Variants in BTD observed in about 807,000 individuals in gnomAD.
BTD encodes the protein biotinidase.
A neutral mutation model predicts 17.7 loss-of-function variants in BTD; 13 were observed. The ratio of observed to expected loss-of-function variants is 0.74; its 90% CI spans 0.48 to 1.17. The LOEUF is 1.17. Among genes scored for constraint, BTD ranks in the 50% most tolerant of loss-of-function variants. The pLI, the probability that BTD is intolerant of heterozygous loss-of-function variation, is 0.00. For synonymous variants in BTD, 240 were observed against 245.2 expected (o/e 0.98, Z 0.20); for missense variants, 674 against 650.4 (o/e 1.04, Z -0.39).
At chr3:15,696,084 T>G (rs1312576366) in intron 3 of BTD, 4 of 1,237,168 alleles carry the variant, frequency 3.2e-6, no homozygotes, top group Non-Finnish European at 4.6e-6. Flanking sequence ...TGTTACATTA[T>G]TAGACTATAA....
Position 15,692,014 on chromosome 3 carries a change from CCTG to C in BTD, c.400-18045_400-18043del, listed in dbSNP as rs199814738. On this transcript the variant is annotated intron_variant, in intron 3 of 3. Transcript: ENST00000672141. ...AATAAGCTGGACCTGGTGGCACATG[CCTG>C]TGGTCCCAGCTATGCAGGAGGCTGA... Among the ~76,000 whole-genome samples, 1,122 of 152,094 alleles carry C rather than the reference CCTG, an allele frequency of 7.4e-3. 10 individuals are homozygous for C. The highest frequency in any genetic ancestry group is 0.025 in the African/African-American group (1,024 of 41,486).
Position 15,648,894 on chromosome 3 carries a change from C to T in BTD, c.*3406C>T, listed in dbSNP as rs964432988. 3.9e-5 allele frequency among the ~76,000 whole-genome samples: 6 copies of T among 152,144 alleles called. No homozygotes were observed. Among genetic ancestry groups the T allele is most frequent in the Admixed American group, 3.9e-4 (6 of 15,278 alleles). On this transcript the variant is annotated 3_prime_UTR_variant, in exon 4 of 4. Coordinates refer to ENST00000643237, the MANE Select transcript of BTD (RefSeq NM_001370658.1). The stretch of plus-strand genomic sequence containing the variant: ...ACAGGGGCAGAGATCACAGGGATGC[C>T]TCTACTAGACAAGGCACACCAGAAA...
chr3:15,672,154 T>C (rs2066433548), intron 3 of BTD, among the ~76,000 whole-genome samples: 1 of 151,870 alleles, frequency 6.6e-6, no homozygotes, highest in Non-Finnish European at 1.5e-5. Flanking sequence ...GGATTTTTTT[T>C]TTTTTTTTTG....
chr3:15,675,749 C>T, intron 3 of BTD: 1 of 570,890 alleles, frequency 1.8e-6, no homozygotes, highest in Non-Finnish European at 2.9e-6. Context: ...ATTTCTTTTG[C>T]CCTTATTCCT....
At chr3:15,633,198 C>T (rs1310563504) in intron 1 of BTD, among the ~76,000 whole-genome samples, 1 of 152,046 alleles carries the variant, frequency 6.6e-6, no homozygotes, top group South Asian at 2.1e-4. Flanking sequence ...TTTTATTGGG[C>T]TCCCTCCTCC....
Position 15,637,922 on chromosome 3 carries a change from C to G in BTD, c.249+2234C>G, listed in dbSNP as rs1315192174. ...CGCCAGCTGCACAGCATCACTCCGT[C>G]TCTATTTGTTTTCCAGGGGCCAGGA... is the stretch of plus-strand genomic sequence containing the variant. On this transcript the variant is annotated intron_variant, in intron 2 of 3. Transcript: ENST00000643237. 2.0e-5 allele frequency among the ~76,000 whole-genome samples: 3 copies of G among 152,210 alleles called. No homozygotes were observed. In the East Asian group the frequency reaches 5.8e-4, roughly 29 times the overall value.
At chr3:15,685,460 T>A (rs771952181) in intron 3 of BTD, 5 of 1,612,300 alleles carry the variant, frequency 3.1e-6, no homozygotes, top group Middle Eastern at 3.3e-4. Context: ...AAGAAAATAA[T>A]TTAAAGGTAG....
chr3:15,657,405 ACT>A (rs1301600692), downstream of BTD, among the ~76,000 whole-genome samples: 2 of 152,062 alleles, frequency 1.3e-5, no homozygotes, highest in Admixed American at 6.5e-5. Context: ...CTTTCCAATA[ACT>A]CTGTAAGATA....
chr3:15,623,152 A>G (rs1305325888), intron 1 of BTD, among the ~76,000 whole-genome samples: 2 of 152,208 alleles, frequency 1.3e-5, no homozygotes, highest in African/African-American at 4.8e-5. Flanking sequence ...CCCATGATTC[A>G]ATTATCTCCA....
intron 3 of BTD, chr3:15,667,700 G>A (rs2066054147): frequency 6.6e-6 from 1 of 151,714 alleles, no homozygotes; most frequent in South Asian, 2.1e-4. Flanking sequence ...CAAAGGAAGT[G>A]GTTAAGCTGG....
intron 3 of BTD, chr3:15,697,237 A>T (rs2069735616): frequency 6.5e-6 from 1 of 152,776 alleles, no homozygotes; most frequent in Non-Finnish European, 1.5e-5. Flanking sequence ...AGCTATGAGG[A>T]GACGCGAAGG....
rs1004314408 is a variant in BTD at position 15,650,218 on chromosome 3, G to T, written c.*4730G>T. Among the ~76,000 whole-genome samples, 5 of 152,118 alleles carry T rather than the reference G, an allele frequency of 3.3e-5. No individual in the cohort carries two copies. The highest frequency in any genetic ancestry group is 7.3e-5 in the Non-Finnish European group (5 of 68,030). Reference sequence around the variant, plus strand: ...AATGTTTAGAATGTTTCTCAGACAGGCTGAGAAAAAACACAACGAAACATT... The same window carrying T: ...AATGTTTAGAATGTTTCTCAGACAGTCTGAGAAAAAACACAACGAAACATT... On this transcript the variant is annotated 3_prime_UTR_variant, in exon 4 of 4. Transcript: ENST00000643237.
chr3:15,639,108 C>G (rs1022731253), intron 2 of BTD, among the ~76,000 whole-genome samples: 3 of 152,062 alleles, frequency 2.0e-5, no homozygotes, highest in African/African-American at 7.2e-5. Context: ...TTCTTGATCT[C>G]ATTGAGATCT....
chr3:15,617,304 T>C (rs1397053586), intron 1 of BTD, among the ~76,000 whole-genome samples: 2 of 152,276 alleles, frequency 1.3e-5, no homozygotes, highest in East Asian at 3.8e-4. Context: ...TCAAAAGTTT[T>C]ACATTTAGTG....
Position 15,644,643 on chromosome 3 carries a change from G to T in BTD, c.727G>T (p.Val243Leu), listed in dbSNP as rs769423080. The change falls in exon 4 of 4, where the codon GTG becomes TTG. Residue 243 changes from valine (V) to leucine (L), a missense_variant. Coordinates refer to ENST00000643237, the MANE Select transcript of BTD (RefSeq NM_001370658.1). ...PAIRVLRDYK[V>L]KHVVYPTAWM... ...CATCAGAGTCCTCAGAGACTACAAG[G>T]TGAAGCATGTTGTGTACCCAACTGC... 6 of 1,614,014 alleles carry T rather than the reference G, an allele frequency of 3.7e-6. No individual in the cohort carries two copies. The Admixed American group carries it at 1.0e-4, about 27-fold the overall frequency.
chr3:15,672,316 C>G (rs2066456065), intron 3 of BTD, among the ~76,000 whole-genome samples: 1 of 151,790 alleles, frequency 6.6e-6, no homozygotes, highest in South Asian at 2.1e-4. Flanking sequence ...AATTTTTAAA[C>G]TTTTTTGTAG....
At chr3:15,623,248 T>A (rs573498718) in intron 1 of BTD, among the ~76,000 whole-genome samples, 2 of 152,312 alleles carry the variant, frequency 1.3e-5, no homozygotes, top group East Asian at 3.9e-4. Flanking sequence ...TCAGTTACTA[T>A]TAGGATGGTA....
Position 15,635,759 on chromosome 3 carries a change from T to C in BTD, c.249+71T>C. 1 of 1,606,724 alleles carries C rather than the reference T, an allele frequency of 6.2e-7. No homozygotes were observed. The highest frequency in any genetic ancestry group is 1.1e-5 in the South Asian group (1 of 90,536). On this transcript the variant is annotated intron_variant, in intron 2 of 3. Transcript: ENST00000643237. The surrounding 1 kb of genome is among the most constrained non-coding windows in gnomAD (Gnocchi z 4.1). ...TTGCTCTTTACCCCTTGATCAGTGG[T>C]TGGGTAATCCCAGGCTTCCTACCAC...
intron 3 of BTD, chr3:15,679,383 T>C (rs763161545): frequency 4.3e-6 from 7 of 1,613,872 alleles, no homozygotes; most frequent in Non-Finnish European, 5.1e-6. Context: ...TTGTCATTTA[T>C]CCTGTGTAAG....
Sources: allele counts gnomAD v4.1 joint callset (sites outside exome capture counted in the v4.1 genomes callset), GRCh38; gene constraint gnomAD v4.1.1; non-coding constraint Gnocchi (gnomAD v3.1); transcripts MANE v1.5; gene names NCBI Gene and HGNC (gene_info 2026-07-23, HGNC 2026-07-21).